Variants in RALYL observed in about 807,000 individuals in gnomAD.
RALYL encodes the protein RALY RNA binding protein like, also known as RNA-binding Raly-like protein.
RALYL carries 29 observed loss-of-function variants against 35.1 expected under a neutral mutation model. The ratio of observed to expected loss-of-function variants is 0.83; its 90% CI spans 0.61 to 1.13. The LOEUF (loss-of-function observed/expected upper bound fraction) is 1.13. Ranked by LOEUF, RALYL falls within the 50% of genes most tolerant of loss-of-function variation. The probability of loss-of-function intolerance (pLI) is 0.00; values close to 1 mark genes in which losing one functional copy is unlikely to be tolerated. For synonymous variants in RALYL, 120 were observed against 127.6 expected (o/e 0.94, Z 0.40); for missense variants, 359 against 360.4 (o/e 1.00, Z 0.03).
intron 4 of RALYL, among the ~76,000 whole-genome samples, chr8:84,833,937 CATT>C (rs1378304449): frequency 6.6e-6 from 1 of 151,424 alleles, no homozygotes; most frequent in East Asian, 1.9e-4. Flanking sequence ...TAACTGTTAA[CATT>C]ATTATAATTA....
intron 2 of RALYL, among the ~76,000 whole-genome samples, chr8:84,662,714 G>A (rs1363940935): frequency 3.3e-5 from 5 of 151,998 alleles, no homozygotes; most frequent in Non-Finnish European, 5.9e-5. Context: ...TCAAATTATG[G>A]AAATGTATTT....
chr8:84,191,182 T>TTG (rs36011671), intron 1 of RALYL, among the ~76,000 whole-genome samples: 1,880 of 145,780 alleles, frequency 0.013, 14 homozygotes, highest in Non-Finnish European at 0.017. Flanking sequence ...GTGTGTGTGA[T>TTG]TGTGTGTGTG....
chr8:84,637,687 A>G (rs1376488239), intron 2 of RALYL, among the ~76,000 whole-genome samples: 1 of 151,780 alleles, frequency 6.6e-6, no homozygotes, highest in Non-Finnish European at 1.5e-5. Context: ...TCTGGTGGCT[A>G]TTTCTAGCTG....
chr8:84,896,411 T>C (rs1440219422), intron 8 of RALYL, among the ~76,000 whole-genome samples: 3 of 152,200 alleles, frequency 2.0e-5, no homozygotes, highest in Non-Finnish European at 1.5e-5. Context: ...CTGGCCTTAG[T>C]CTTCTGCAGA....
chr8:84,644,137 A>G (rs1379547700), intron 2 of RALYL, among the ~76,000 whole-genome samples: 1 of 152,058 alleles, frequency 6.6e-6, no homozygotes, highest in Non-Finnish European at 1.5e-5. Context: ...TTTCAAGGCT[A>G]TAGCTTAAGA....
At chr8:84,264,744 C>A (rs1424516727) in intron 1 of RALYL, among the ~76,000 whole-genome samples, 1 of 152,128 alleles carries the variant, frequency 6.6e-6, no homozygotes. Context: ...AATTAAAACT[C>A]ATGCAATATG....
At chr8:84,729,067 G>C (rs1261330718) in intron 2 of RALYL, among the ~76,000 whole-genome samples, 4 of 152,278 alleles carry the variant, frequency 2.6e-5, no homozygotes, top group Non-Finnish European at 4.4e-5. Context: ...ACCTTGGGCA[G>C]TATGGCCATT....
At chr8:84,746,734 A>C (rs918078606) in intron 2 of RALYL, among the ~76,000 whole-genome samples, 6 of 152,116 alleles carry the variant, frequency 3.9e-5, no homozygotes, top group African/African-American at 1.4e-4. Flanking sequence ...GAAATATGGA[A>C]GAAATTTGTT....
rs915908707 is a variant in RALYL, at chr8:84,576,599, A to C, written c.256+47022A>C. On this transcript the variant is annotated intron_variant, in intron 2 of 8. Coordinates refer to ENST00000521268, the MANE Select transcript of RALYL (RefSeq NM_173848.7). ...TAGACAGTTTAAATTTGAATGCCAC[A>C]CTTCTTGCTTACATGGCCTACACCT... Among the ~76,000 whole-genome samples, 4 of 152,198 alleles carry C rather than the reference A, an allele frequency of 2.6e-5. No homozygotes were observed. The East Asian group carries it at 5.8e-4, about 22-fold the overall frequency.
At chr8:84,359,422 A>G (rs1160790557) in intron 1 of RALYL, among the ~76,000 whole-genome samples, 3 of 151,996 alleles carry the variant, frequency 2.0e-5, no homozygotes, top group Non-Finnish European at 2.9e-5. Context: ...AGAAAGTAAG[A>G]CAATATTCTG....
intron 1 of RALYL, among the ~76,000 whole-genome samples, chr8:84,393,435 G>C (rs1462780767): frequency 6.6e-6 from 1 of 152,024 alleles, no homozygotes; most frequent in Non-Finnish European, 1.5e-5. Flanking sequence ...GTTAGGAAAG[G>C]GAAGTCACAA....
intron 1 of RALYL, among the ~76,000 whole-genome samples, chr8:84,498,143 C>T (rs2056283380): frequency 6.6e-6 from 1 of 151,884 alleles, no homozygotes; most frequent in African/African-American, 2.4e-5. Flanking sequence ...AACATAACTC[C>T]ATTCTAACCA....
intron 2 of RALYL, among the ~76,000 whole-genome samples, chr8:84,649,602 G>A (rs555828849): frequency 9.1e-4 from 138 of 152,004 alleles, no homozygotes; most frequent in Middle Eastern, 3.4e-3. Context: ...GATATGCGGC[G>A]TTATTTCTGA....
chr8:84,554,491 C>T (rs2060959416), intron 2 of RALYL, among the ~76,000 whole-genome samples: 1 of 151,986 alleles, frequency 6.6e-6, no homozygotes, highest in Admixed American at 6.6e-5. Context: ...TCCAAAGAAC[C>T]AAAAATATTA....
chr8:84,419,263 A>G (rs2045145954), intron 1 of RALYL, among the ~76,000 whole-genome samples: 1 of 152,132 alleles, frequency 6.6e-6, no homozygotes, highest in Non-Finnish European at 1.5e-5. Flanking sequence ...AATTTATGAC[A>G]TCATGAGGGC....
intron 2 of RALYL, among the ~76,000 whole-genome samples, chr8:84,613,573 A>G (rs1196570005): frequency 1.3e-5 from 2 of 151,476 alleles, no homozygotes; most frequent in Non-Finnish European, 2.9e-5. Flanking sequence ...TAGACACACA[A>G]TGGTGAAATA....
At chr8:84,307,987 T>A (rs1842130512) in intron 1 of RALYL, among the ~76,000 whole-genome samples, 1 of 149,468 alleles carries the variant, frequency 6.7e-6, no homozygotes. Flanking sequence ...TGTTAAGAAG[T>A]AAAGGCTAAT....
At chr8:84,743,172 T>C (rs1020501748) in intron 2 of RALYL, among the ~76,000 whole-genome samples, 5 of 151,998 alleles carry the variant, frequency 3.3e-5, no homozygotes, top group Non-Finnish European at 1.5e-5. Flanking sequence ...ATTAATGTAA[T>C]CATTTCTACA....
chr8:84,214,239 T>C (rs1225165531), intron 1 of RALYL, among the ~76,000 whole-genome samples: 1 of 152,086 alleles, frequency 6.6e-6, no homozygotes, highest in Non-Finnish European at 1.5e-5. Context: ...TAATGAAAAT[T>C]GATAAGTTGC....
Sources: gnomAD v4.1 joint callset for allele counts (sites outside exome capture counted in the v4.1 genomes callset) on GRCh38, gnomAD v4.1.1 for gene constraint, MANE v1.5 for transcripts, NCBI Gene and HGNC (gene_info 2026-07-23, HGNC 2026-07-21) for gene names.